Variants in TNFSF4 observed in about 807,000 individuals in gnomAD.
The protein encoded by TNFSF4 is tumor necrosis factor ligand superfamily member 4.
A neutral mutation model predicts 7.3 loss-of-function variants in TNFSF4; 4 were observed. That is an observed-to-expected ratio of 0.55 (90% confidence interval 0.27 to 1.25). The LOEUF (loss-of-function observed/expected upper bound fraction) is 1.25, where lower values mean the gene tolerates loss of function less well. Ranked by LOEUF, TNFSF4 falls within the 50% of genes most tolerant of loss-of-function variation. TNFSF4 has a pLI of 0.12. For missense variants in TNFSF4, 181 were observed against 208.8 expected (o/e 0.87, Z 0.82); for synonymous variants, 76 against 83.7 (o/e 0.91, Z 0.50).
At chr1:173,338,780 T>A in the TNFSF4 span, among the ~76,000 whole-genome samples, 1 of 152,116 alleles carries the variant, frequency 6.6e-6, no homozygotes, top group Admixed American at 6.5e-5. Context: ...GGGGGTGGAA[T>A]GCTACAACGA....
chr1:173,224,078 G>C, the TNFSF4 span, among the ~76,000 whole-genome samples: 1 of 152,290 alleles, frequency 6.6e-6, no homozygotes, highest in East Asian at 1.9e-4. Flanking sequence ...GAGAGTAAAA[G>C]GCCCTAAGCA....
At chr1:173,308,998 G>C in the TNFSF4 span, among the ~76,000 whole-genome samples, 2 of 151,954 alleles carry the variant, frequency 1.3e-5, no homozygotes, top group Non-Finnish European at 2.9e-5. Context: ...GGTTCAAGAA[G>C]AAGGACCATA....
the TNFSF4 span, among the ~76,000 whole-genome samples, chr1:173,388,357 T>C: frequency 6.6e-6 from 1 of 152,264 alleles, no homozygotes; most frequent in African/African-American, 2.4e-5. Context: ...GTACTTTGCA[T>C]GTATTTTTGA....
At chr1:173,255,891 T>C in the TNFSF4 span, among the ~76,000 whole-genome samples, 3 of 152,192 alleles carry the variant, frequency 2.0e-5, no homozygotes, top group African/African-American at 4.8e-5. Context: ...TCAGTTAGTG[T>C]CCTAACAAGA....
the TNFSF4 span, among the ~76,000 whole-genome samples, chr1:173,286,855 T>C: frequency 3.9e-3 from 595 of 152,234 alleles, 4 homozygotes; most frequent in African/African-American, 0.014. Context: ...CAAAGAATTA[T>C]TATTTAGAAT....
At chr1:173,252,702 G>A in the TNFSF4 span, among the ~76,000 whole-genome samples, 2 of 152,150 alleles carry the variant, frequency 1.3e-5, no homozygotes, top group Admixed American at 6.5e-5. Context: ...CCATGCTGAA[G>A]GCTGATAGAA....
chr1:173,439,249 A>G, the TNFSF4 span, among the ~76,000 whole-genome samples: 1 of 152,248 alleles, frequency 6.6e-6, no homozygotes, highest in Non-Finnish European at 1.5e-5. Flanking sequence ...AATGTCTTAC[A>G]TTGTTACAGT....
chr1:173,223,319 A>T, the TNFSF4 span, among the ~76,000 whole-genome samples: 1 of 152,298 alleles, frequency 6.6e-6, no homozygotes, highest in South Asian at 2.1e-4. Context: ...TGGCTGGACC[A>T]GGGTTTCTTT....
the TNFSF4 span, among the ~76,000 whole-genome samples, chr1:173,447,289 T>C: frequency 6.6e-6 from 1 of 152,230 alleles, no homozygotes; most frequent in East Asian, 1.9e-4. Context: ...GAAACTATTC[T>C]GTATGATACT....
the TNFSF4 span, among the ~76,000 whole-genome samples, chr1:173,414,158 A>G: frequency 1.3e-5 from 2 of 152,210 alleles, no homozygotes; most frequent in African/African-American, 2.4e-5. Context: ...GGCTTAAACC[A>G]CAGACATTTT....
the TNFSF4 span, among the ~76,000 whole-genome samples, chr1:173,281,978 T>C: frequency 1.6e-4 from 25 of 152,152 alleles, no homozygotes; most frequent in African/African-American, 4.8e-4. Context: ...AATCTTCTTA[T>C]CAAAAATCTG....
the TNFSF4 span, among the ~76,000 whole-genome samples, chr1:173,259,370 A>G: frequency 6.6e-6 from 1 of 152,234 alleles, no homozygotes; most frequent in Non-Finnish European, 1.5e-5. Flanking sequence ...TCAAAGGTAG[A>G]TAAGCTCACA....
intron 1 of TNFSF4, among the ~76,000 whole-genome samples, chr1:173,198,550 CG>C (rs1409960822): frequency 6.6e-6 from 1 of 152,060 alleles, no homozygotes; most frequent in East Asian, 1.9e-4. Flanking sequence ...ACGCAGGAGG[CG>C]GAGCTTGCAG....
At chr1:173,286,065 A>G in the TNFSF4 span, among the ~76,000 whole-genome samples, 1 of 152,196 alleles carries the variant, frequency 6.6e-6, no homozygotes, top group Non-Finnish European at 1.5e-5. Context: ...ACACCTAACA[A>G]AGTAGCTTCA....
chr1:173,376,103 C>T, the TNFSF4 span, among the ~76,000 whole-genome samples: 21 of 152,224 alleles, frequency 1.4e-4, 1 homozygote, highest in African/African-American at 5.1e-4. Context: ...TGCAAAAGAA[C>T]CTTCTAGGGA....
the TNFSF4 span, among the ~76,000 whole-genome samples, chr1:173,447,168 G>A: frequency 0.024 from 3,633 of 152,256 alleles, 150 homozygotes; most frequent in African/African-American, 0.083. Context: ...CCTACTATGC[G>A]ATATTCTGGA....
chr1:173,415,800 CTCTT>C, the TNFSF4 span, among the ~76,000 whole-genome samples: 69 of 152,308 alleles, frequency 4.5e-4, no homozygotes, highest in African/African-American at 1.3e-3. Flanking sequence ...AATGCAAATG[CTCTT>C]TCTAACTGGT....
the TNFSF4 span, among the ~76,000 whole-genome samples, chr1:173,397,126 G>A: frequency 1.3e-5 from 2 of 152,184 alleles, no homozygotes; most frequent in Non-Finnish European, 2.9e-5. Context: ...GGTGTTCCTA[G>A]AAGTAAAATA....
the TNFSF4 span, among the ~76,000 whole-genome samples, chr1:173,331,132 G>A: frequency 4.5e-3 from 692 of 152,124 alleles, 2 homozygotes; most frequent in African/African-American, 0.015. Flanking sequence ...TGATCCACCC[G>A]CCTTGGCCTC....
Sources: gnomAD v4.1 joint callset for allele counts (sites outside exome capture counted in the v4.1 genomes callset) on GRCh38, gnomAD v4.1.1 for gene constraint, MANE v1.5 for transcripts, NCBI Gene and HGNC (gene_info 2026-07-23, HGNC 2026-07-21) for gene names.